The following CLTB variants were observed in gnomAD, a reference collection of about 807,000 sequenced individuals.
The protein encoded by CLTB is clathrin, light chain (Lcb).
Under a neutral mutation model 30.5 loss-of-function variants are expected in CLTB, and 10 were observed. That is an observed-to-expected ratio of 0.33 (90% CI 0.20 to 0.56). The LOEUF (loss-of-function observed/expected upper bound fraction) is 0.56. Among genes scored for constraint, CLTB ranks in the 20% least tolerant of loss-of-function variants. The pLI is 0.91. For synonymous variants in CLTB, 102 were observed against 120.3 expected, an observed-to-expected ratio of 0.85 and a Z score of 1.00; for missense variants, 261 against 308.3, an observed-to-expected ratio of 0.85 and a Z score of 1.15.
chr5:176,414,174 C>A (rs1757581668), intron 1 of CLTB, among the ~76,000 whole-genome samples: 1 of 152,182 alleles, frequency 6.6e-6, no homozygotes, highest in Non-Finnish European at 1.5e-5. Flanking sequence ...CTCTTCCCTG[C>A]ACCCCGACCC....
At chr5:176,406,136 A>G (rs2113664654) in intron 2 of CLTB, 1 of 986,398 alleles carries the variant, frequency 1.0e-6, no homozygotes, top group Non-Finnish European at 1.2e-6. Flanking sequence ...ACGGGCCACA[A>G]CTGGGCTCTC....
rs574953255 is a variant in CLTB, at chr5:176,403,681, T to C, written c.235-5634A>G. On this transcript the variant is annotated intron_variant, in intron 2 of 5. Coordinates refer to ENST00000310418, the MANE Select transcript of CLTB (RefSeq NM_007097.5). ...CTTGTCCAGGCTGGTCTTGAACTCC[T>C]GACCTTGTGATCCACCCACCTCAGC... 7.3e-5 allele frequency among the ~76,000 whole-genome samples: 11 copies of C among 150,408 alleles called. No individual in the cohort carries two copies. In the South Asian group the frequency reaches 2.1e-3, roughly 29 times the overall value.
intron 4 of CLTB, 56 bp downstream of exon 4, chr5:176,397,550 TC>T (rs1345855047): frequency 2.9e-5 from 9 of 313,774 alleles, no homozygotes; most frequent in African/African-American, 2.7e-4. Context: ...CCCCCTCATG[TC>T]CCCACAGCCC....
chr5:176,406,495 CT>C (rs746517350), intron 2 of CLTB: 9 of 1,214,282 alleles, frequency 7.4e-6, no homozygotes, highest in Non-Finnish European at 9.5e-6. Context: ...CTAAGCTGAG[CT>C]GCTGATTCCT....
intron 1 of CLTB, among the ~76,000 whole-genome samples, chr5:176,411,993 G>A (rs373923359): frequency 2.5e-4 from 38 of 151,912 alleles, no homozygotes; most frequent in African/African-American, 8.2e-4. Flanking sequence ...TGGCTAACAC[G>A]GTGAAACCCC....
chr5:176,396,536 G>A lies in CLTB; in HGVS notation c.465-4C>T. The A allele has an allele frequency of 6.2e-7, 1 of 1,612,706 alleles. No homozygotes were observed. The highest frequency in any genetic ancestry group is 8.5e-7 in the Non-Finnish European group (1 of 1,179,214). On this transcript the variant is annotated splice_polypyrimidine_tract_variant and splice_region_variant and intron_variant, in intron 4 of 5. Transcript: ENST00000310418. The stretch of plus-strand genomic sequence containing the variant: ...GTAGAATGCTTTGTCAGCGATCCTT[G>A]AGGGAAAGGTTGAGGGAAGGGGTTA...
upstream of CLTB, chr5:176,416,562 A>T: frequency 1.3e-5 from 3 of 222,316 alleles, no homozygotes; most frequent in Non-Finnish European, 1.6e-5. Flanking sequence ...CCGCGGCGGG[A>T]GGAGCGGAGC....
intron 2 of CLTB, chr5:176,405,601 C>T (rs896577692): frequency 3.9e-5 from 6 of 151,946 alleles, no homozygotes; most frequent in African/African-American, 1.5e-4. Context: ...ACTGCCCTAG[C>T]AGGTGTGTGG....
intron 1 of CLTB, among the ~76,000 whole-genome samples, chr5:176,411,985 G>A (rs1196413355): frequency 1.3e-5 from 2 of 151,870 alleles, no homozygotes; most frequent in Non-Finnish European, 2.9e-5. Flanking sequence ...GACCATCCTG[G>A]CTAACACGGT....
chr5:176,400,004 C>T (rs1000027940), intron 2 of CLTB, among the ~76,000 whole-genome samples: 1 of 151,984 alleles, frequency 6.6e-6, no homozygotes, highest in Non-Finnish European at 1.5e-5. Flanking sequence ...CCAGCCTGAC[C>T]AACATGGTGA....
chr5:176,409,539 G>A (rs1757318652), intron 2 of CLTB, among the ~76,000 whole-genome samples: 1 of 149,558 alleles, frequency 6.7e-6, no homozygotes. Flanking sequence ...TTAGCCTCCC[G>A]AGTAGCTGGA....
chr5:176,407,246 C>T (rs538704856), intron 2 of CLTB, among the ~76,000 whole-genome samples: 4 of 152,290 alleles, frequency 2.6e-5, no homozygotes, highest in African/African-American at 9.6e-5. Context: ...CACCACTTCA[C>T]CTCTCTGAGC....
At chr5:176,410,964 T>G (rs527889939) in intron 1 of CLTB, among the ~76,000 whole-genome samples, 24 of 152,296 alleles carry the variant, frequency 1.6e-4, no homozygotes, top group Admixed American at 3.3e-4. Context: ...GCTACAACAC[T>G]GACATTCACA....
chr5:176,394,322 G>A (rs190066474), intron 5 of CLTB, among the ~76,000 whole-genome samples: 209 of 152,308 alleles, frequency 1.4e-3, no homozygotes, highest in Non-Finnish European at 2.3e-3. Flanking sequence ...CCTCCCCACC[G>A]TCCTGCTGAA....
chr5:176,399,879 A>G (rs1281409295), intron 2 of CLTB, among the ~76,000 whole-genome samples: 1 of 146,764 alleles, frequency 6.8e-6, no homozygotes, highest in Non-Finnish European at 1.5e-5. Flanking sequence ...CTTGGTCTCA[A>G]AAAAAAAAAA....
intron 2 of CLTB, among the ~76,000 whole-genome samples, chr5:176,398,813 A>C (rs1013314495): frequency 1.3e-5 from 2 of 152,016 alleles, no homozygotes; most frequent in Middle Eastern, 3.4e-3. Flanking sequence ...GGTTGTATTA[A>C]CTCCTAACAC....
At chr5:176,412,906 C>T (rs1757517825) in intron 1 of CLTB, among the ~76,000 whole-genome samples, 1 of 152,136 alleles carries the variant, frequency 6.6e-6, no homozygotes, top group South Asian at 2.1e-4. Context: ...AGGGTCTATT[C>T]CCTGTGATGC....
intron 2 of CLTB, among the ~76,000 whole-genome samples, chr5:176,399,614 C>T (rs1189755643): frequency 6.6e-6 from 1 of 152,098 alleles, no homozygotes; most frequent in Non-Finnish European, 1.5e-5. Context: ...GAAAAAAAGG[C>T]CAGGCACGGT....
At chr5:176,408,731 G>C (rs1223161708) in intron 2 of CLTB, among the ~76,000 whole-genome samples, 1 of 152,212 alleles carries the variant, frequency 6.6e-6, no homozygotes, top group Non-Finnish European at 1.5e-5. Flanking sequence ...ATGTTGCCCA[G>C]TTTGGTCTCA....
Sources: gnomAD v4.1 joint callset for allele counts (sites outside exome capture counted in the v4.1 genomes callset) on GRCh38, gnomAD v4.1.1 for gene constraint, MANE v1.5 for transcripts, NCBI Gene and HGNC (gene_info 2026-07-23, HGNC 2026-07-21) for gene names.